The following KLHDC1 variants were observed in gnomAD, a reference collection of about 807,000 sequenced individuals.
KLHDC1 encodes the protein kelch domain-containing protein 1.
KLHDC1 carries 53 observed loss-of-function variants against 68.3 expected under a neutral mutation model. The ratio of observed to expected loss-of-function variants is 0.78; its 90% CI spans 0.62 to 0.98. The LOEUF is 0.98. Ranked by LOEUF, KLHDC1 falls within the 50% of genes least tolerant of loss-of-function variation. The probability of loss-of-function intolerance (pLI) is 0.00; values close to 1 mark genes in which losing one functional copy is unlikely to be tolerated. For missense variants in KLHDC1, 470 were observed against 492.3 expected (o/e 0.95, Z 0.43); for synonymous variants, 148 against 159.0 (o/e 0.93, Z 0.52).
At chr14:49,694,793 G>T (rs1394919186) in intron 1 of KLHDC1, among the ~76,000 whole-genome samples, 1 of 152,208 alleles carries the variant, frequency 6.6e-6, no homozygotes, top group East Asian at 1.9e-4. Flanking sequence ...GGCGGAGGTT[G>T]CAGTAAGCCA....
intron 11 of KLHDC1, among the ~76,000 whole-genome samples, chr14:49,741,172 C>T (rs527899730): frequency 2.6e-5 from 4 of 152,058 alleles, no homozygotes; most frequent in Non-Finnish European, 5.9e-5. Flanking sequence ...TAATAAATAC[C>T]CATGAATTTT....
intron 1 of KLHDC1, among the ~76,000 whole-genome samples, chr14:49,706,633 G>T (rs1429109244): frequency 1.3e-5 from 2 of 152,020 alleles, no homozygotes; most frequent in Non-Finnish European, 1.5e-5. Context: ...TCACTTCCTT[G>T]CCAGCATTAG....
intron 12 of KLHDC1, among the ~76,000 whole-genome samples, chr14:49,749,834 G>A (rs1474813840): frequency 6.6e-6 from 1 of 152,084 alleles, no homozygotes; most frequent in African/African-American, 2.4e-5. Flanking sequence ...CAAGGTGGGC[G>A]GATCACCTGA....
intron 4 of KLHDC1, among the ~76,000 whole-genome samples, chr14:49,718,936 C>T (rs143148280): frequency 0.026 from 3,875 of 151,138 alleles, 62 homozygotes; most frequent in Non-Finnish European, 0.036. Flanking sequence ...GCCACTACAC[C>T]CACCTAATTT....
chr14:49,719,850 T>C (rs577134263), intron 4 of KLHDC1, among the ~76,000 whole-genome samples: 129 of 151,902 alleles, frequency 8.5e-4, no homozygotes, highest in African/African-American at 3.1e-3. Flanking sequence ...AGAGATGGTC[T>C]CACTCCATCA....
intron 1 of KLHDC1, among the ~76,000 whole-genome samples, chr14:49,695,545 G>T (rs867248057): frequency 6.6e-6 from 1 of 152,194 alleles, no homozygotes; most frequent in Non-Finnish European, 1.5e-5. Flanking sequence ...AGGCTTTCTT[G>T]TTCCGTTGTT....
intron 1 of KLHDC1, among the ~76,000 whole-genome samples, chr14:49,703,506 C>G (rs1414180043): frequency 6.6e-6 from 1 of 152,014 alleles, no homozygotes; most frequent in Non-Finnish European, 1.5e-5. Context: ...CCACACCCAG[C>G]TAATTTTTGT....
At chr14:49,713,096 C>T (rs1158885570) in intron 4 of KLHDC1, among the ~76,000 whole-genome samples, 1 of 151,436 alleles carries the variant, frequency 6.6e-6, no homozygotes, top group African/African-American at 2.4e-5. Context: ...ACTACGGGCT[C>T]CCGCCACCAC....
intron 8 of KLHDC1, among the ~76,000 whole-genome samples, chr14:49,731,996 C>A (rs145644428): frequency 1.1e-3 from 171 of 151,926 alleles, no homozygotes; most frequent in African/African-American, 3.9e-3. Context: ...AAGTAAAAAA[C>A]AACAATATAA....
At chr14:49,701,038 C>T (rs1594647609) in intron 1 of KLHDC1, among the ~76,000 whole-genome samples, 2 of 150,976 alleles carry the variant, frequency 1.3e-5, no homozygotes, top group Admixed American at 6.6e-5. Flanking sequence ...GCCAAGATGG[C>T]GCCATTGCAT....
At chr14:49,702,163 T>C (rs1006062760) in intron 1 of KLHDC1, among the ~76,000 whole-genome samples, 13 of 140,126 alleles carry the variant, frequency 9.3e-5, no homozygotes, top group Admixed American at 8.0e-4. Context: ...AGCGAAATTC[T>C]GTCTCAAAAA....
chr14:49,728,073 G>A (rs1339198446), intron 6 of KLHDC1, among the ~76,000 whole-genome samples: 1 of 152,178 alleles, frequency 6.6e-6, no homozygotes, highest in Non-Finnish European at 1.5e-5. Context: ...TGTAATCTCA[G>A]CACTTTGGGA....
rs567897197 is a variant in KLHDC1, at chr14:49,723,278, ATCCCAGCACTT to A, written c.405-594_405-584del. Among the ~76,000 whole-genome samples the A allele has an allele frequency of 2.2e-4, 34 of 152,056 alleles. No homozygotes were observed. The East Asian group carries it at 5.8e-3, about 26-fold the overall frequency. On this transcript the variant is annotated intron_variant, in intron 4 of 12. Coordinates refer to ENST00000359332, the MANE Select transcript of KLHDC1 (RefSeq NM_172193.3). Reference sequence around the variant, plus strand: ...ACAGCCAAACCATATCGCGCCTGTAATCCCAGCACTTTGGGAGGCCAGGATAGGAGGATAAC... The same window carrying A: ...ACAGCCAAACCATATCGCGCCTGTAATGGGAGGCCAGGATAGGAGGATAAC...
At chr14:49,740,267 C>T (rs1889028731) in intron 11 of KLHDC1, 85 bp downstream of exon 11, 1 of 732,938 alleles carries the variant, frequency 1.4e-6, no homozygotes, top group African/African-American at 1.8e-5. Flanking sequence ...TGTTGATATT[C>T]TAACATTGCA....
At chr14:49,713,476 A>G (rs1032220343) in intron 4 of KLHDC1, among the ~76,000 whole-genome samples, 2 of 152,132 alleles carry the variant, frequency 1.3e-5, no homozygotes, top group Non-Finnish European at 2.9e-5. Flanking sequence ...TTGTATAGGA[A>G]AATCAGGATA....
At chr14:49,748,948 G>A (rs901868052) in intron 12 of KLHDC1, among the ~76,000 whole-genome samples, 1 of 151,740 alleles carries the variant, frequency 6.6e-6, no homozygotes, top group East Asian at 1.9e-4. Context: ...TTACAGGCAC[G>A]CACCATCACA....
chr14:49,731,357 C>T (rs1888804255), intron 8 of KLHDC1, among the ~76,000 whole-genome samples: 1 of 152,180 alleles, frequency 6.6e-6, no homozygotes, highest in African/African-American at 2.4e-5. Context: ...ATTGTATCTT[C>T]CAAAAATGTC....
chr14:49,734,788 T>C, intron 10 of KLHDC1, 127 bp downstream of exon 10: 1 of 411,982 alleles, frequency 2.4e-6, no homozygotes, highest in South Asian at 8.2e-5. Context: ...TCAAATGAGC[T>C]TGATGTTACC....
chr14:49,726,059 G>A (rs1373842056), intron 6 of KLHDC1, among the ~76,000 whole-genome samples: 6 of 152,096 alleles, frequency 3.9e-5, no homozygotes, highest in African/African-American at 4.8e-5. Context: ...TGTTGGCCAC[G>A]CTGGTCTGGA....
Sources: gnomAD v4.1 joint callset for allele counts (sites outside exome capture counted in the v4.1 genomes callset) on GRCh38, gnomAD v4.1.1 for gene constraint, MANE v1.5 for transcripts, NCBI Gene and HGNC (gene_info 2026-07-23, HGNC 2026-07-21) for gene names.